STK32B: variants seen among roughly 807,000 people sequenced by gnomAD.
The protein encoded by STK32B is serine/threonine kinase 32B.
In STK32B, 43 loss-of-function variants were observed where a neutral mutation model predicts 52.6. The ratio of observed to expected loss-of-function variants is 0.82; its 90% CI spans 0.64 to 1.05. The LOEUF is 1.05. Ranked by LOEUF, STK32B falls within the 50% of genes least tolerant of loss-of-function variation. The probability of loss-of-function intolerance (pLI) is 0.00; values close to 1 mark genes in which losing one functional copy is unlikely to be tolerated. For missense variants in STK32B, 621 were observed against 534.6 expected, an observed-to-expected ratio of 1.16 and a Z score of -1.59; for synonymous variants, 238 against 204.3, an observed-to-expected ratio of 1.17 and a Z score of -1.41.
At chr4:5,446,072 C>T (rs1288979028) in intron 6 of STK32B, among the ~76,000 whole-genome samples, 3 of 152,230 alleles carry the variant, frequency 2.0e-5, no homozygotes, top group Non-Finnish European at 4.4e-5. Flanking sequence ...CAATCCACCC[C>T]CTCCAGGGGC....
At chr4:5,269,473 A>G (rs1017372405) in intron 3 of STK32B, among the ~76,000 whole-genome samples, 3 of 152,202 alleles carry the variant, frequency 2.0e-5, no homozygotes, top group East Asian at 3.9e-4. Flanking sequence ...AAAAGGTAAT[A>G]TATACAGTGT....
chr4:5,124,268 A>C (rs1715230918), intron 1 of STK32B, among the ~76,000 whole-genome samples: 1 of 152,192 alleles, frequency 6.6e-6, no homozygotes, highest in Admixed American at 6.5e-5. Context: ...AGTGAGCAAA[A>C]GGTTTCACTG....
chr4:5,404,864 T>A (rs1326702630), intron 5 of STK32B, among the ~76,000 whole-genome samples: 2 of 49,052 alleles, frequency 4.1e-5, no homozygotes, highest in Non-Finnish European at 6.8e-5. Context: ...CTGTATGCGA[T>A]TTTTTTTTTT....
At chr4:5,099,191 G>A (rs928285978) in intron 1 of STK32B, among the ~76,000 whole-genome samples, 1 of 152,008 alleles carries the variant, frequency 6.6e-6, no homozygotes, top group East Asian at 1.9e-4. Context: ...ACCCCATCAC[G>A]CTGACTCAGA....
chr4:5,334,141 CTT>C (rs1203326537), intron 4 of STK32B, among the ~76,000 whole-genome samples: 4 of 151,878 alleles, frequency 2.6e-5, no homozygotes, highest in Admixed American at 6.6e-5. Flanking sequence ...TTTGTATCCT[CTT>C]TTATTTCATT....
intron 3 of STK32B, among the ~76,000 whole-genome samples, chr4:5,315,543 A>G (rs1730614561): frequency 6.6e-6 from 1 of 152,136 alleles, no homozygotes; most frequent in African/African-American, 2.4e-5. Flanking sequence ...TGATTTATGG[A>G]TGCATATATT....
intron 3 of STK32B, among the ~76,000 whole-genome samples, chr4:5,233,863 G>A (rs183566962): frequency 4.1e-4 from 63 of 151,984 alleles, no homozygotes; most frequent in African/African-American, 1.4e-3. Context: ...AAGCAGTGAC[G>A]TCTCCAAGAA....
In STK32B at chr4:5,400,073, A is replaced by T. The variant is rs1737190831; in HGVS notation, c.472+1829A>T. Among the ~76,000 whole-genome samples, 1 of 152,190 alleles carries T rather than the reference A, an allele frequency of 6.6e-6. No individual in the cohort carries two copies. Among genetic ancestry groups the T allele is most frequent in the Non-Finnish European group, 1.5e-5 (1 of 68,026 alleles). The stretch of plus-strand genomic sequence containing the variant: ...CCAGAAGCAAAATTCAGACAGAAAC[A>T]TCAATAGCAATAAGCTAGCCATTGC... On this transcript the variant is annotated intron_variant, in intron 5 of 11. Coordinates refer to ENST00000282908, the MANE Select transcript of STK32B (RefSeq NM_018401.3). This position sits in a 1 kb window ranked among gnomAD's most constrained non-coding sequence, Gnocchi z 6.1.
chr4:5,306,571 G>A (rs976067969), intron 3 of STK32B, among the ~76,000 whole-genome samples: 4 of 152,110 alleles, frequency 2.6e-5, no homozygotes, highest in African/African-American at 9.7e-5. Flanking sequence ...GCAGATACTT[G>A]GTTGGTGAGT....
At chr4:5,340,427 G>A (rs1210444359) in intron 4 of STK32B, among the ~76,000 whole-genome samples, 1 of 152,250 alleles carries the variant, frequency 6.6e-6, no homozygotes, top group Non-Finnish European at 1.5e-5. Flanking sequence ...CTGGGCAGAA[G>A]GGCCCAAACT....
intron 4 of STK32B, among the ~76,000 whole-genome samples, chr4:5,379,432 C>G (rs75419638): frequency 0.017 from 2,531 of 152,250 alleles, 65 homozygotes; most frequent in African/African-American, 0.058. Flanking sequence ...GAGGCTCCCC[C>G]ACTCTGGTAC....
At position 5,344,038 on chromosome 4, in the gene STK32B, A is replaced by G. The variant is rs111655097; in HGVS notation, c.434+12645A>G. On this transcript the variant is annotated intron_variant, in intron 4 of 11. Transcript: ENST00000282908. The stretch of plus-strand genomic sequence containing the variant: ...AGGCTGTTCAGAGTCTCCACGGTCC[A>G]TAGGCAGTGCTGTTGGATTGCATCC... Among the ~76,000 whole-genome samples, 224 of 152,340 alleles carry G rather than the reference A, an allele frequency of 1.5e-3. 1 individual carries two copies. Among genetic ancestry groups the G allele is most frequent in the African/African-American group, 3.8e-3 (159 of 41,582 alleles).
At chr4:5,227,898 G>A (rs1331538066) in intron 3 of STK32B, among the ~76,000 whole-genome samples, 2 of 152,164 alleles carry the variant, frequency 1.3e-5, no homozygotes, top group African/African-American at 4.8e-5. Flanking sequence ...GCAGTTTGGT[G>A]CCACTGCTTG....
At chr4:5,327,988 CT>C (rs35045357) in intron 3 of STK32B, among the ~76,000 whole-genome samples, 4 of 152,252 alleles carry the variant, frequency 2.6e-5, no homozygotes, top group African/African-American at 4.8e-5. Flanking sequence ...ACACCTGCTG[CT>C]TCACCTTGTG....
chr4:5,305,757 T>G lies in STK32B; in HGVS notation c.261-25463T>G, dbSNP rs13435722. Among the ~76,000 whole-genome samples, 485 of 152,230 alleles carry G rather than the reference T, an allele frequency of 3.2e-3. 4 individuals are homozygous for G. The highest frequency in any genetic ancestry group is 0.015 in the South Asian group (70 of 4,820). Reference sequence around the variant, plus strand: ...TTCCTTTGCTAGGGTTGGGTTTGGTTTTTTCTTGTTTCTCTAGCTCCTTGT... The same window carrying G: ...TTCCTTTGCTAGGGTTGGGTTTGGTGTTTTCTTGTTTCTCTAGCTCCTTGT... On this transcript the variant is annotated intron_variant, in intron 3 of 11. Transcript: ENST00000282908.
intron 3 of STK32B, among the ~76,000 whole-genome samples, chr4:5,173,711 G>A (rs1161508700): frequency 6.6e-6 from 1 of 152,158 alleles, no homozygotes; most frequent in Non-Finnish European, 1.5e-5. Context: ...GCTGAGGAGT[G>A]CTTTACTTCC....
At position 5,351,648 on chromosome 4, in the gene STK32B, A is replaced by C. The variant is rs191554211; in HGVS notation, c.434+20255A>C. On this transcript the variant is annotated intron_variant, in intron 4 of 11. Transcript: ENST00000282908. Reference sequence around the variant, plus strand: ...TAAATAAATGAAATAGGGACTAAACAAATACAAATGATCAACAAAAAAGAA... The same window carrying C: ...TAAATAAATGAAATAGGGACTAAACCAATACAAATGATCAACAAAAAAGAA... 4.2e-3 allele frequency among the ~76,000 whole-genome samples: 643 copies of C among 152,192 alleles called. 7 individuals are homozygous for C. Among genetic ancestry groups the C allele is most frequent in the South Asian group, 0.04 (194 of 4,834 alleles).
chr4:5,483,425 G>C (rs911777119), intron 11 of STK32B, among the ~76,000 whole-genome samples: 17 of 152,174 alleles, frequency 1.1e-4, no homozygotes, highest in African/African-American at 4.1e-4. Flanking sequence ...TGTGGGATCG[G>C]TGGTGATATC....
At chr4:5,025,829 A>C in the STK32B span, among the ~76,000 whole-genome samples, 1 of 152,226 alleles carries the variant, frequency 6.6e-6, no homozygotes, top group African/African-American at 2.4e-5. Flanking sequence ...CAATGTGATC[A>C]CACATATTGG....
Sources: gnomAD v4.1 joint callset for allele counts (sites outside exome capture counted in the v4.1 genomes callset) on GRCh38, gnomAD v4.1.1 for gene constraint, Gnocchi (gnomAD v3.1) non-coding constraint, MANE v1.5 for transcripts, NCBI Gene and HGNC (gene_info 2026-07-23, HGNC 2026-07-21) for gene names.